Variants in ANKFN1 observed in about 807,000 individuals in gnomAD.
The protein encoded by ANKFN1 is ankyrin repeat and fibronectin type-III domain-containing protein 1.
ANKFN1 carries 74 observed loss-of-function variants against 108.7 expected under a neutral mutation model. The ratio of observed to expected loss-of-function variants is 0.68; its 90% CI spans 0.56 to 0.83. The LOEUF (loss-of-function observed/expected upper bound fraction) is 0.83, where lower values mean the gene tolerates loss of function less well. Among genes scored for constraint, ANKFN1 ranks in the 40% least tolerant of loss-of-function variants. The pLI is 0.00. For missense variants in ANKFN1, 1,505 were observed against 1,382.3 expected (o/e 1.09, Z -1.41); for synonymous variants, 547 against 516.2 (o/e 1.06, Z -0.81).
intron 4 of ANKFN1, among the ~76,000 whole-genome samples, chr17:56,135,516 G>A (rs1196133295): frequency 6.6e-6 from 1 of 152,152 alleles, no homozygotes; most frequent in African/African-American, 2.4e-5. Flanking sequence ...AGTAGCAGCT[G>A]CTGAGAAGCC....
chr17:56,484,042 G>A (rs1240745250), intron 18 of ANKFN1, among the ~76,000 whole-genome samples: 1 of 152,164 alleles, frequency 6.6e-6, no homozygotes, highest in African/African-American at 2.4e-5. Context: ...ATCTGATGTG[G>A]GGTGTTGAAG....
In ANKFN1 at chr17:56,376,774, G is replaced by T. The variant is rs904356227; in HGVS notation, c.910+2060G>T. 3.3e-5 allele frequency among the ~76,000 whole-genome samples: 5 copies of T among 152,182 alleles called. 1 individual carries two copies. In the South Asian group the frequency reaches 8.3e-4, roughly 25 times the overall value. The stretch of plus-strand genomic sequence containing the variant: ...GTGGGTTCTGTTAGAGACTGGAGGG[G>T]ATTAATTAAGCATTATAAATAGAAT... On this transcript the variant is annotated intron_variant, in intron 8 of 20. Coordinates refer to ENST00000682825, the MANE Select transcript of ANKFN1 (RefSeq NM_001370326.1).
intron 4 of ANKFN1, among the ~76,000 whole-genome samples, chr17:56,069,994 G>A (rs58304459): frequency 0.093 from 14,180 of 152,196 alleles, 1,226 homozygotes; most frequent in African/African-American, 0.23. Flanking sequence ...TGGGAGTATA[G>A]TAGTGAGGAC....
intron 14 of ANKFN1, among the ~76,000 whole-genome samples, chr17:56,465,386 G>T (rs77290155): frequency 6.6e-6 from 1 of 152,066 alleles, no homozygotes; most frequent in African/African-American, 2.4e-5. Context: ...GGAAAATTCC[G>T]GGGTTTTCAT....
chr17:56,075,055 T>C (rs1480952766), intron 4 of ANKFN1, among the ~76,000 whole-genome samples: 4 of 152,192 alleles, frequency 2.6e-5, no homozygotes, highest in Non-Finnish European at 4.4e-5. Context: ...TGGAACTTAC[T>C]CAAGGTCATT....
chr17:56,420,912 G>A (rs1050691389), intron 8 of ANKFN1, among the ~76,000 whole-genome samples: 149 of 152,076 alleles, frequency 9.8e-4, no homozygotes, highest in African/African-American at 3.3e-3. Flanking sequence ...GTTTCACCGT[G>A]TTAGCCAGGA....
intron 4 of ANKFN1, among the ~76,000 whole-genome samples, chr17:56,341,128 G>C (rs781447388): frequency 2.0e-5 from 3 of 152,060 alleles, no homozygotes; most frequent in Non-Finnish European, 4.4e-5. Context: ...ATATAGGAAT[G>C]CTAGTAGTTT....
chr17:56,442,400 A>G (rs1398160204), intron 9 of ANKFN1, among the ~76,000 whole-genome samples: 1 of 152,202 alleles, frequency 6.6e-6, no homozygotes, highest in African/African-American at 2.4e-5. Flanking sequence ...TAACTTATTC[A>G]TTTTCTAAAG....
At chr17:56,301,909 A>G (rs937768973) in intron 3 of ANKFN1, among the ~76,000 whole-genome samples, 3 of 152,226 alleles carry the variant, frequency 2.0e-5, no homozygotes, top group African/African-American at 4.8e-5. Flanking sequence ...AAGGTTTTAC[A>G]TGATTAAGAT....
At chr17:56,071,550 T>A (rs1235821632) in intron 4 of ANKFN1, among the ~76,000 whole-genome samples, 2 of 152,252 alleles carry the variant, frequency 1.3e-5, no homozygotes, top group Admixed American at 1.3e-4. Flanking sequence ...GACTTTTCTT[T>A]AAGAATCAAC....
chr17:56,486,613 A>G (rs987525443), intron 18 of ANKFN1, among the ~76,000 whole-genome samples: 1 of 152,178 alleles, frequency 6.6e-6, no homozygotes, highest in African/African-American at 2.4e-5. Context: ...AAGCCTCTCT[A>G]AGAAGGATGC....
intron 1 of ANKFN1, chr17:56,174,456 C>T (rs1327555674): frequency 1.0e-6 from 1 of 973,806 alleles, no homozygotes. Flanking sequence ...CTTGAGGGTT[C>T]TCTGGCTAGA....
intron 8 of ANKFN1, among the ~76,000 whole-genome samples, chr17:56,410,829 T>C (rs1182534241): frequency 6.6e-6 from 1 of 152,240 alleles, no homozygotes; most frequent in Non-Finnish European, 1.5e-5. Context: ...AGTCAACTGA[T>C]GGTAAATACA....
At chr17:56,263,397 C>T (rs911129580) in intron 3 of ANKFN1, among the ~76,000 whole-genome samples, 1 of 152,124 alleles carries the variant, frequency 6.6e-6, no homozygotes, top group African/African-American at 2.4e-5. Context: ...AATGTATGTA[C>T]AATATACAAA....
intron 4 of ANKFN1, among the ~76,000 whole-genome samples, chr17:56,138,492 T>G (rs1481950350): frequency 2.0e-5 from 3 of 150,042 alleles, no homozygotes; most frequent in Non-Finnish European, 4.4e-5. Context: ...GGAAGAAAAC[T>G]CAACATTTTT....
At chr17:56,440,143 T>C (rs2078369884) in intron 8 of ANKFN1, among the ~76,000 whole-genome samples, 184 bp from the exon 9 acceptor site, 1 of 152,166 alleles carries the variant, frequency 6.6e-6, no homozygotes, top group South Asian at 2.1e-4. Flanking sequence ...AAAAAAAATG[T>C]GAACTTGGAA....
At chr17:56,222,570 G>T (rs898531252) in intron 2 of ANKFN1, among the ~76,000 whole-genome samples, 1 of 152,162 alleles carries the variant, frequency 6.6e-6, no homozygotes, top group Non-Finnish European at 1.5e-5. Flanking sequence ...TTCCTAGGGA[G>T]ACTAGGGAAA....
At chr17:56,461,929 T>C (rs900278539) in intron 14 of ANKFN1, among the ~76,000 whole-genome samples, 5 of 152,200 alleles carry the variant, frequency 3.3e-5, no homozygotes, top group Admixed American at 2.6e-4. Flanking sequence ...AGTTACCACC[T>C]GGATGGATAG....
chr17:56,170,432 G>T (rs567924657), intron 1 of ANKFN1, among the ~76,000 whole-genome samples: 2 of 152,162 alleles, frequency 1.3e-5, no homozygotes, highest in South Asian at 4.1e-4. Flanking sequence ...GGAAGTATCG[G>T]GATGTGTTTA....
Sources: allele counts gnomAD v4.1 joint callset (sites outside exome capture counted in the v4.1 genomes callset), GRCh38; gene constraint gnomAD v4.1.1; transcripts MANE v1.5; gene names NCBI Gene and HGNC (gene_info 2026-07-23, HGNC 2026-07-21).